The following CDH18 variants were observed in gnomAD, a reference collection of about 807,000 sequenced individuals.
CDH18 encodes the protein cadherin 18, also known as cadherin-18.
CDH18 carries 31 observed loss-of-function variants against 67.9 expected under a neutral mutation model. That is an observed-to-expected ratio of 0.46 (90% CI 0.34 to 0.62). The LOEUF (loss-of-function observed/expected upper bound fraction) is 0.62, where lower values mean the gene tolerates loss of function less well. CDH18 is among the 20% of genes least tolerant of loss of function. The pLI is 0.01. For synonymous variants in CDH18, 362 were observed against 347.2 expected, an observed-to-expected ratio of 1.04 and a Z score of -0.48; for missense variants, 890 against 975.5, an observed-to-expected ratio of 0.91 and a Z score of 1.17.
intron 2 of CDH18, among the ~76,000 whole-genome samples, chr5:20,167,802 T>C (rs1263554371): frequency 1.3e-5 from 2 of 152,144 alleles, no homozygotes; most frequent in Admixed American, 1.3e-4. Context: ...AGGACACCTT[T>C]ATGGAGCAGG....
At chr5:19,707,444 T>A (rs1240332741) in intron 5 of CDH18, among the ~76,000 whole-genome samples, 1 of 152,184 alleles carries the variant, frequency 6.6e-6, no homozygotes, top group East Asian at 1.9e-4. Flanking sequence ...TTTCCACCAC[T>A]TCTACGGCCT....
At chr5:19,690,427 T>C (rs1761708888) in intron 5 of CDH18, among the ~76,000 whole-genome samples, 1 of 151,384 alleles carries the variant, frequency 6.6e-6, no homozygotes, top group South Asian at 2.1e-4. Flanking sequence ...CCAAACTTAA[T>C]ATAAGGATAG....
Position 20,079,892 on chromosome 5 carries a change from T to C in CDH18, c.-517-87878A>G, listed in dbSNP as rs78285597. On this transcript the variant is annotated intron_variant, in intron 2 of 14. Transcript: ENST00000507958. ...TTTGCAAACAGCCATCTTCCCCTTG[T>C]ATTTTGACAAAGCTGAGAGGGCAGC... Among the ~76,000 whole-genome samples the C allele has an allele frequency of 0.022, 3,359 of 152,174 alleles. 228 individuals are homozygous for C. The East Asian group carries it at 0.28, about 13-fold the overall frequency.
intron 1 of CDH18, among the ~76,000 whole-genome samples, chr5:20,493,356 T>TAAAAACAAAAA (rs1753703175): frequency 2.1e-5 from 1 of 47,194 alleles, no homozygotes; most frequent in Non-Finnish European, 3.5e-5. Context: ...TTCAGAAAAT[T>TAAAAACAAAAA]AAAAAAAAAA....
chr5:19,742,395 C>A (rs1239630455), intron 4 of CDH18, among the ~76,000 whole-genome samples: 3 of 141,502 alleles, frequency 2.1e-5, no homozygotes, highest in African/African-American at 7.3e-5. Context: ...CACACAAATG[C>A]ACACGCATGG....
intron 8 of CDH18, among the ~76,000 whole-genome samples, chr5:19,566,153 C>T (rs187455195): frequency 3.5e-4 from 54 of 152,142 alleles, no homozygotes; most frequent in Non-Finnish European, 6.9e-4. Flanking sequence ...CATAGAAATG[C>T]CTATCAAAAC....
At chr5:20,458,250 G>A (rs991750858) in intron 1 of CDH18, among the ~76,000 whole-genome samples, 2 of 152,064 alleles carry the variant, frequency 1.3e-5, no homozygotes, top group African/African-American at 4.8e-5. Context: ...CCTGCCTGTA[G>A]CAGTTTTAAA....
intron 4 of CDH18, among the ~76,000 whole-genome samples, chr5:19,741,909 A>G (rs922808056): frequency 6.6e-6 from 1 of 152,154 alleles, no homozygotes; most frequent in Non-Finnish European, 1.5e-5. Context: ...TACAAGGCAC[A>G]GGGAAGACCC....
intron 2 of CDH18, among the ~76,000 whole-genome samples, chr5:19,973,496 G>T (rs1798220045): frequency 6.6e-6 from 1 of 152,138 alleles, no homozygotes; most frequent in Admixed American, 6.6e-5. Context: ...GTAAGTGAAT[G>T]CTCAATATCC....
intron 1 of CDH18, among the ~76,000 whole-genome samples, chr5:19,985,219 A>T (rs1207663791): frequency 2.6e-5 from 4 of 152,060 alleles, no homozygotes; most frequent in Non-Finnish European, 5.9e-5. Flanking sequence ...ATCTAGTAAA[A>T]CACCTACCAA....
intron 8 of CDH18, among the ~76,000 whole-genome samples, chr5:19,564,402 A>G (rs1203462431): frequency 1.3e-5 from 2 of 152,124 alleles, no homozygotes; most frequent in East Asian, 3.9e-4. Context: ...CCACAGTAGA[A>G]TAGGGCAGCA....
intron 8 of CDH18, among the ~76,000 whole-genome samples, chr5:19,563,735 A>G (rs1030667556): frequency 1.3e-5 from 2 of 152,222 alleles, no homozygotes; most frequent in Non-Finnish European, 2.9e-5. Flanking sequence ...AGAACTTTCC[A>G]TGAAACACCT....
chr5:19,875,674 T>C (rs1786900453), intron 2 of CDH18, among the ~76,000 whole-genome samples: 1 of 152,010 alleles, frequency 6.6e-6, no homozygotes, highest in Non-Finnish European at 1.5e-5. Flanking sequence ...GTAATCAAAA[T>C]AGAATTGAAT....
chr5:20,389,166 A>T (rs1744595747), intron 1 of CDH18, among the ~76,000 whole-genome samples: 1 of 152,080 alleles, frequency 6.6e-6, no homozygotes, highest in South Asian at 2.1e-4. Flanking sequence ...AAAGTCTCCC[A>T]CTATTATTGT....
chr5:19,991,184 TTA>T (rs1799960447), upstream of CDH18, among the ~76,000 whole-genome samples: 3 of 152,156 alleles, frequency 2.0e-5, no homozygotes, highest in Non-Finnish European at 4.4e-5. Flanking sequence ...CCCTGAAAAT[TTA>T]GCAAGTTATG....
At chr5:20,404,085 A>G (rs1002843506) in intron 1 of CDH18, among the ~76,000 whole-genome samples, 3 of 152,170 alleles carry the variant, frequency 2.0e-5, no homozygotes, top group African/African-American at 7.2e-5. Context: ...AACTTCCACT[A>G]GCTTCCAACT....
chr5:20,213,245 T>C (rs536529205), intron 2 of CDH18, among the ~76,000 whole-genome samples: 17 of 152,138 alleles, frequency 1.1e-4, no homozygotes, highest in Non-Finnish European at 1.9e-4. Flanking sequence ...TGTAGGTTGG[T>C]GGAATTGTAG....
chr5:20,350,223 C>G (rs1741054208), intron 1 of CDH18, among the ~76,000 whole-genome samples: 1 of 151,990 alleles, frequency 6.6e-6, no homozygotes, highest in African/African-American at 2.4e-5. Flanking sequence ...TACCTCTAAC[C>G]TGTTACAGCA....
intron 2 of CDH18, among the ~76,000 whole-genome samples, chr5:20,234,076 G>A (rs1742288659): frequency 6.6e-6 from 1 of 151,948 alleles, no homozygotes; most frequent in South Asian, 2.1e-4. Flanking sequence ...AGAGAAATGG[G>A]GAGAAAAAAA....
Sources: gnomAD v4.1 joint callset for allele counts (sites outside exome capture counted in the v4.1 genomes callset) on GRCh38, gnomAD v4.1.1 for gene constraint, MANE v1.5 for transcripts, NCBI Gene and HGNC (gene_info 2026-07-23, HGNC 2026-07-21) for gene names.